The following SUSD6 variants were observed in gnomAD, a reference collection of about 807,000 sequenced individuals.
SUSD6 encodes the protein sushi domain-containing protein 6.
SUSD6 carries 16 observed loss-of-function variants against 28.4 expected under a neutral mutation model. That is an observed-to-expected ratio of 0.56 (90% CI 0.38 to 0.86). The LOEUF is 0.86. SUSD6 is among the 40% of genes least tolerant of loss of function. The pLI, the probability that SUSD6 is intolerant of heterozygous loss-of-function variation, is 0.00. For missense variants in SUSD6, 341 were observed against 384.2 expected (o/e 0.89, Z 0.94); for synonymous variants, 147 against 159.6 (o/e 0.92, Z 0.59).
chr14:69,616,376 C>A (rs1406345364), intron 1 of SUSD6, among the ~76,000 whole-genome samples: 1 of 152,152 alleles, frequency 6.6e-6, no homozygotes, highest in Admixed American at 6.5e-5. Flanking sequence ...GTGGAATTGC[C>A]CTTTATGTAA....
intron 2 of SUSD6, among the ~76,000 whole-genome samples, chr14:69,699,941 A>G (rs531998011): frequency 2.0e-5 from 3 of 152,188 alleles, no homozygotes; most frequent in Non-Finnish European, 2.9e-5. Context: ...CATGTGTGCC[A>G]TTTGCATAGT....
rs1162920056 is a variant in SUSD6 at position 69,676,369 on chromosome 14, G to T, written c.121+17656G>T. 5.3e-5 allele frequency among the ~76,000 whole-genome samples: 8 copies of T among 151,320 alleles called. No individual in the cohort carries two copies. In the East Asian group the frequency reaches 1.2e-3, roughly 22 times the overall value. ...GGGGTGATGCTCCTCCAACTTTACT[G>T]TGCTTTTTCTTTTTTTTTTTTTCCT... On this transcript the variant is annotated intron_variant, in intron 2 of 5. Transcript: ENST00000342745.
chr14:69,689,290 C>A (rs1886119766), intron 2 of SUSD6, among the ~76,000 whole-genome samples: 1 of 152,176 alleles, frequency 6.6e-6, no homozygotes, highest in East Asian at 1.9e-4. Flanking sequence ...GGACCAATAT[C>A]TTTTTATCTT....
At chr14:69,627,088 T>C (rs756241412) in intron 1 of SUSD6, among the ~76,000 whole-genome samples, 8 of 152,102 alleles carry the variant, frequency 5.3e-5, no homozygotes, top group Non-Finnish European at 1.2e-4. Flanking sequence ...TCTTAACTAA[T>C]TGCAAAATAA....
intron 2 of SUSD6, among the ~76,000 whole-genome samples, chr14:69,665,195 A>C (rs1431326809): frequency 6.6e-6 from 1 of 152,192 alleles, no homozygotes; most frequent in Admixed American, 6.5e-5. Context: ...ATCTTCAGCT[A>C]ATTTAACACA....
chr14:69,621,156 T>C (rs1885034333), intron 1 of SUSD6, among the ~76,000 whole-genome samples: 1 of 152,168 alleles, frequency 6.6e-6, no homozygotes, highest in African/African-American at 2.4e-5. Flanking sequence ...ATCCACTTCC[T>C]TGTACCCCCT....
chr14:69,672,898 G>C lies in SUSD6; in HGVS notation c.121+14185G>C, dbSNP rs1314259925. Among the ~76,000 whole-genome samples the C allele has an allele frequency of 4.6e-5, 7 of 152,342 alleles. No homozygotes were observed. The East Asian group carries it at 1.3e-3, about 29-fold the overall frequency. ...CCTAGAGCTGGCATGAAAAGGTCCT[G>C]TTTTGTTCACAGTACTAGGTGAGGC... On this transcript the variant is annotated intron_variant, in intron 2 of 5. Transcript: ENST00000342745.
intron 1 of SUSD6, among the ~76,000 whole-genome samples, chr14:69,636,038 GT>G (rs1183244192): frequency 5.4e-4 from 82 of 152,358 alleles, no homozygotes; most frequent in African/African-American, 1.9e-3. Context: ...TTTCTGCACA[GT>G]TTTTAGTCAG....
chr14:69,657,582 T>A (rs1392290972), intron 1 of SUSD6, among the ~76,000 whole-genome samples: 1 of 152,120 alleles, frequency 6.6e-6, no homozygotes, highest in Non-Finnish European at 1.5e-5. Context: ...GAAGGGGGTG[T>A]GTGTGTGTAA....
intron 2 of SUSD6, among the ~76,000 whole-genome samples, chr14:69,674,873 C>A (rs1885884509): frequency 1.3e-5 from 2 of 152,312 alleles, no homozygotes; most frequent in South Asian, 4.1e-4. Context: ...TTTCAGGTAG[C>A]TCAGGCACTG....
In SUSD6 at chr14:69,611,601, C is replaced by G. The variant is rs890565778; in HGVS notation, c.-308C>G. Reference sequence around the variant, plus strand: ...CCGCGCGGTACAGCTGGGTCAGTGACGCGGGCGCTGCAGCCGTCGCTACCG... The same window carrying G: ...CCGCGCGGTACAGCTGGGTCAGTGAGGCGGGCGCTGCAGCCGTCGCTACCG... On this transcript the variant is annotated 5_prime_UTR_variant, in exon 1 of 6. Transcript: ENST00000342745. The G allele has an allele frequency of 1.2e-4, 18 of 150,418 alleles. No homozygotes were observed. Among genetic ancestry groups the G allele is most frequent in the African/African-American group, 4.4e-4 (18 of 41,254 alleles). The allele number at this position is 150,418 out of a possible 1,614,324, so 9.3% of individuals were successfully genotyped here.
At chr14:69,641,510 A>C (rs1379133928) in intron 1 of SUSD6, among the ~76,000 whole-genome samples, 1 of 151,914 alleles carries the variant, frequency 6.6e-6, no homozygotes, top group Non-Finnish European at 1.5e-5. Flanking sequence ...TGCATTGTCT[A>C]ATCTGCTGTT....
chr14:69,652,212 C>T (rs1566595669), intron 1 of SUSD6, among the ~76,000 whole-genome samples: 1 of 152,102 alleles, frequency 6.6e-6, no homozygotes, highest in Non-Finnish European at 1.5e-5. Flanking sequence ...ATGTAGAGGT[C>T]GAGACAGGCA....
intron 1 of SUSD6, among the ~76,000 whole-genome samples, chr14:69,627,696 C>A (rs1168876783): frequency 1.3e-5 from 2 of 152,028 alleles, no homozygotes; most frequent in Admixed American, 6.6e-5. Flanking sequence ...GATCTCCTGA[C>A]CTCATGATCC....
At chr14:69,680,503 C>T (rs1023625807) in intron 2 of SUSD6, among the ~76,000 whole-genome samples, 4 of 152,162 alleles carry the variant, frequency 2.6e-5, no homozygotes, top group Admixed American at 6.5e-5. Flanking sequence ...CTCTCAGAAT[C>T]TCATACTTGG....
chr14:69,696,625 C>T (rs1399605202), intron 2 of SUSD6, among the ~76,000 whole-genome samples: 3 of 152,220 alleles, frequency 2.0e-5, no homozygotes, highest in Non-Finnish European at 4.4e-5. Flanking sequence ...CATGCCCTGT[C>T]GTGTGGTTCT....
chr14:69,669,106 C>T (rs1021335048), intron 2 of SUSD6, among the ~76,000 whole-genome samples: 1 of 139,128 alleles, frequency 7.2e-6, no homozygotes, highest in Admixed American at 7.7e-5. Flanking sequence ...GCTTTGTCGC[C>T]AGGCTGGAGT....
At chr14:69,661,559 A>G (rs542522546) in intron 2 of SUSD6, among the ~76,000 whole-genome samples, 1 of 152,032 alleles carries the variant, frequency 6.6e-6, no homozygotes, top group African/African-American at 2.4e-5. Flanking sequence ...AAAGGGGTTC[A>G]CCTTTGCTTA....
chr14:69,662,865 T>C (rs1181744150), intron 2 of SUSD6, among the ~76,000 whole-genome samples: 2 of 152,186 alleles, frequency 1.3e-5, no homozygotes, highest in Admixed American at 6.5e-5. Context: ...TTGTGTAGAC[T>C]AATAAAAATG....
Sources: allele counts gnomAD v4.1 joint callset (sites outside exome capture counted in the v4.1 genomes callset), GRCh38; gene constraint gnomAD v4.1.1; transcripts MANE v1.5; gene names NCBI Gene and HGNC (gene_info 2026-07-23, HGNC 2026-07-21).